The following PBX1 variants were observed in gnomAD, a reference collection of about 807,000 sequenced individuals.
PBX1 encodes pre-B-cell leukemia transcription factor 1.
Under a neutral mutation model 53.4 loss-of-function variants are expected in PBX1, and 6 were observed. That is an observed-to-expected ratio of 0.11 (90% CI 0.06 to 0.22). The LOEUF (loss-of-function observed/expected upper bound fraction) is 0.22. PBX1 is among the 10% of genes least tolerant of loss of function. The pLI is 1.00. For synonymous variants in PBX1, 204 were observed against 212.3 expected (o/e 0.96, Z 0.34); for missense variants, 251 against 551.4 (o/e 0.46, Z 5.46).
intron 2 of PBX1, among the ~76,000 whole-genome samples, chr1:164,787,074 C>T (rs997104413): frequency 3.3e-5 from 5 of 152,054 alleles, no homozygotes; most frequent in African/African-American, 1.2e-4. Context: ...GGGAATGAGG[C>T]GGGGAGAGCT....
chr1:164,610,037 C>T (rs1024485285), intron 2 of PBX1, among the ~76,000 whole-genome samples: 2 of 152,140 alleles, frequency 1.3e-5, no homozygotes, highest in African/African-American at 4.8e-5. Context: ...TGCACATTCA[C>T]GATGCCCTCT....
intron 2 of PBX1, among the ~76,000 whole-genome samples, chr1:164,743,701 G>A (rs1007551081): frequency 6.6e-6 from 1 of 152,072 alleles, no homozygotes; most frequent in African/African-American, 2.4e-5. Context: ...TTCCAGAGGT[G>A]GGTCATTAGG....
In PBX1 at chr1:164,559,480, G is replaced by A. The variant is rs1652854056; in HGVS notation, c.-343G>A. 7.1e-6 allele frequency: 2 copies of A among 281,828 alleles called. No homozygotes were observed. The highest frequency in any genetic ancestry group is 1.3e-5 in the Non-Finnish European group (2 of 151,926). 17.5% of individuals were successfully genotyped at this position (281,828 alleles called of 1,614,324 possible). ...CCATTTCTGCCTTGCAAAGGAGACC[G>A]GACTGAAAAACCTAAAGCCAGCTCT... is the stretch of plus-strand genomic sequence containing the variant. On this transcript the variant is annotated 5_prime_UTR_variant, in exon 1 of 9. Transcript: ENST00000420696.
intron 6 of PBX1, chr1:164,819,296 TTC>T (rs377056250): frequency 2.0e-4 from 31 of 152,154 alleles, no homozygotes; most frequent in African/African-American, 6.8e-4. Flanking sequence ...CTAATGGCCC[TTC>T]TTGAGGCCCA....
chr1:164,629,828 G>A (rs1487721982), intron 2 of PBX1, among the ~76,000 whole-genome samples: 3 of 150,492 alleles, frequency 2.0e-5, no homozygotes, highest in African/African-American at 7.3e-5. Context: ...CAAGAAGGTT[G>A]GCTTGCCAAT....
At chr1:164,764,333 C>T (rs918206462) in intron 2 of PBX1, among the ~76,000 whole-genome samples, 4 of 152,240 alleles carry the variant, frequency 2.6e-5, no homozygotes, top group South Asian at 2.1e-4. Flanking sequence ...TATATGTTCA[C>T]GACAGGAAGG....
At chr1:164,681,836 A>G (rs1226520414) in intron 2 of PBX1, among the ~76,000 whole-genome samples, 4 of 65,766 alleles carry the variant, frequency 6.1e-5, no homozygotes, top group African/African-American at 1.4e-4. Context: ...AACAAAAGTT[A>G]AAAAAAAATT....
intron 2 of PBX1, chr1:164,683,210 A>G (rs1365518675): frequency 6.6e-6 from 1 of 152,214 alleles, no homozygotes; most frequent in African/African-American, 2.4e-5. Context: ...CTTATTTCAT[A>G]TCAGGTGTTT....
intron 2 of PBX1, among the ~76,000 whole-genome samples, chr1:164,665,702 A>G (rs1259915095): frequency 6.6e-6 from 1 of 152,150 alleles, no homozygotes; most frequent in Non-Finnish European, 1.5e-5. Context: ...TCCACTGGAA[A>G]CACCTCTACC....
chr1:164,747,367 T>TAC (rs1665951475), intron 2 of PBX1, among the ~76,000 whole-genome samples: 1 of 152,136 alleles, frequency 6.6e-6, no homozygotes, highest in Non-Finnish European at 1.5e-5. Flanking sequence ...ATGTATTTTA[T>TAC]ATACATACAT....
In PBX1 at chr1:164,820,686, C is replaced by G. The variant is rs149751034; in HGVS notation, c.1110+502C>G. 5.2e-3 allele frequency among the ~76,000 whole-genome samples: 786 copies of G among 152,296 alleles called. 4 individuals are homozygous for G. Among genetic ancestry groups the G allele is most frequent in the African/African-American group, 0.018 (754 of 41,560 alleles). ...TACATTTCTTAGTCATCCTTGAGGT[C>G]AAGGGACTTGAGTTTCTGGTGATGA... On this transcript the variant is annotated intron_variant, in intron 7 of 8. Coordinates refer to ENST00000420696, the MANE Select transcript of PBX1 (RefSeq NM_002585.4).
intron 2 of PBX1, among the ~76,000 whole-genome samples, chr1:164,869,343 A>C (rs1485125611): frequency 3.9e-5 from 6 of 152,328 alleles, no homozygotes; most frequent in African/African-American, 1.4e-4. Context: ...GTAAGCCTGG[A>C]TAAGCTCCCA....
intron 2 of PBX1, among the ~76,000 whole-genome samples, chr1:164,732,915 T>C (rs1665077451): frequency 6.6e-6 from 1 of 152,216 alleles, no homozygotes; most frequent in Admixed American, 6.5e-5. Context: ...CAACCCACTT[T>C]GGTCTTCCTT....
chr1:164,797,347 T>C (rs1571425602), intron 3 of PBX1, among the ~76,000 whole-genome samples: 1 of 151,902 alleles, frequency 6.6e-6, no homozygotes, highest in African/African-American at 2.4e-5. Flanking sequence ...CGGCGGGAGG[T>C]TGTTTCTCTA....
intron 2 of PBX1, among the ~76,000 whole-genome samples, chr1:164,692,271 A>G (rs1316756272): frequency 6.6e-6 from 1 of 152,198 alleles, no homozygotes; most frequent in Non-Finnish European, 1.5e-5. Context: ...GGGTAAGTGT[A>G]AGTGAGGATG....
intron 2 of PBX1, among the ~76,000 whole-genome samples, chr1:164,631,298 T>C (rs74642266): frequency 2.6e-5 from 4 of 152,036 alleles, no homozygotes; most frequent in African/African-American, 4.8e-5. Context: ...TTTTTTTTTT[T>C]CTACAGTATT....
intron 2 of PBX1, among the ~76,000 whole-genome samples, chr1:164,676,322 A>G (rs1014369531): frequency 6.6e-6 from 1 of 152,076 alleles, no homozygotes; most frequent in African/African-American, 2.4e-5. Flanking sequence ...GTAGGCATAG[A>G]GTAGGTCTGT....
At chr1:164,600,120 G>A (rs547096085) in intron 2 of PBX1, among the ~76,000 whole-genome samples, 1 of 145,152 alleles carries the variant, frequency 6.9e-6, no homozygotes, top group Non-Finnish European at 1.5e-5. Context: ...ACAATTGTGA[G>A]TATAATTATG....
At chr1:164,818,708 A>G (rs776952515) in intron 6 of PBX1, 1 of 151,714 alleles carries the variant, frequency 6.6e-6, no homozygotes, top group African/African-American at 2.4e-5. Context: ...TCTTGCCTTT[A>G]AAGTATGAAA....
Sources: gnomAD v4.1 joint callset for allele counts (sites outside exome capture counted in the v4.1 genomes callset) on GRCh38, gnomAD v4.1.1 for gene constraint, MANE v1.5 for transcripts, NCBI Gene and HGNC (gene_info 2026-07-23, HGNC 2026-07-21) for gene names.